LRMDA: variants seen among roughly 807,000 people sequenced by gnomAD.
The protein encoded by LRMDA is leucine rich melanocyte differentiation associated.
In LRMDA, 18 loss-of-function variants were observed where a neutral mutation model predicts 29.8. That is an observed-to-expected ratio of 0.60 (90% CI 0.42 to 0.90). LRMDA has a LOEUF of 0.90. Ranked by LOEUF, LRMDA falls within the 40% of genes least tolerant of loss-of-function variation. The pLI is 0.00. For missense variants in LRMDA, 273 were observed against 273.9 expected (o/e 1.00, Z 0.02); for synonymous variants, 125 against 109.4 (o/e 1.14, Z -0.89).
intron 2 of LRMDA, among the ~76,000 whole-genome samples, chr10:75,852,166 G>A (rs1021002320): frequency 6.6e-5 from 10 of 152,170 alleles, no homozygotes; most frequent in Non-Finnish European, 4.4e-5. Flanking sequence ...TCATCATCTT[G>A]TCTCAACTTA....
chr10:76,446,626 T>C (rs907610878), intron 6 of LRMDA, among the ~76,000 whole-genome samples: 5 of 152,202 alleles, frequency 3.3e-5, no homozygotes, highest in Non-Finnish European at 5.9e-5. Context: ...ACTTCCAAAA[T>C]CTAGTAGGTT....
intron 2 of LRMDA, among the ~76,000 whole-genome samples, chr10:75,457,968 A>G (rs796768918): frequency 1.3e-5 from 2 of 152,294 alleles, no homozygotes; most frequent in African/African-American, 4.8e-5. Flanking sequence ...AAGCTGGGGT[A>G]TTTCTGGCTG....
intron 2 of LRMDA, among the ~76,000 whole-genome samples, chr10:75,618,754 TAAGG>T (rs1841142516): frequency 6.9e-6 from 1 of 145,484 alleles, no homozygotes; most frequent in African/African-American, 2.5e-5. Context: ...AAGGAAATCA[TAAGG>T]AAGAGAAAAT....
chr10:75,462,244 CTT>C (rs796634728), intron 2 of LRMDA, among the ~76,000 whole-genome samples: 2 of 152,324 alleles, frequency 1.3e-5, no homozygotes, highest in African/African-American at 4.8e-5. Context: ...ACTCATCTGT[CTT>C]TTTTAATTCA....
At chr10:75,971,077 T>C (rs899954153) in intron 2 of LRMDA, among the ~76,000 whole-genome samples, 2 of 152,110 alleles carry the variant, frequency 1.3e-5, no homozygotes, top group East Asian at 3.9e-4. Context: ...TCAATCCTGG[T>C]CCAATACTAT....
intron 2 of LRMDA, among the ~76,000 whole-genome samples, chr10:75,468,967 C>G (rs1176094529): frequency 6.6e-6 from 1 of 151,970 alleles, no homozygotes; most frequent in Non-Finnish European, 1.5e-5. Flanking sequence ...AGAGAAAGGC[C>G]CTGCATTTGG....
At position 76,040,812 on chromosome 10, in the gene LRMDA, A is replaced by C. The variant is rs114522424; in HGVS notation, c.258+4678A>C. 6.4e-3 allele frequency among the ~76,000 whole-genome samples: 972 copies of C among 152,312 alleles called. 16 individuals are homozygous for C. The highest frequency in any genetic ancestry group is 0.023 in the African/African-American group (937 of 41,574). ...GGCACATAAGCAGATTTTATTTGGA[A>C]TCACACTTCATCTTCTGTCTCCCTA... On this transcript the variant is annotated intron_variant, in intron 3 of 6. Transcript: ENST00000611255.
intron 2 of LRMDA, among the ~76,000 whole-genome samples, chr10:75,745,820 T>C (rs768277834): frequency 3.3e-5 from 5 of 149,314 alleles, no homozygotes; most frequent in Non-Finnish European, 6.0e-5. Context: ...CTTTTCTTTG[T>C]TTTTTCGTGA....
At chr10:76,278,317 G>A (rs1840161183) in intron 5 of LRMDA, among the ~76,000 whole-genome samples, 1 of 152,116 alleles carries the variant, frequency 6.6e-6, no homozygotes, top group Non-Finnish European at 1.5e-5. Flanking sequence ...TCCTCGGCAG[G>A]TTTGGTCATT....
chr10:76,009,320 C>T (rs1170805769), intron 2 of LRMDA, among the ~76,000 whole-genome samples: 1 of 152,044 alleles, frequency 6.6e-6, no homozygotes, highest in African/African-American at 2.4e-5. Context: ...AAATAGCAAC[C>T]AAACAAAAAA....
At position 76,047,254 on chromosome 10, in the gene LRMDA, A is replaced by T; in HGVS notation, c.349A>T (p.Asn117Tyr). ...TCTGCTGGGCAACGTGGCCTGTCCC[A>T]ACGAGCTGGTCAGCTTGGAAAAGGA... The part of the protein sequence containing the change: ...LSLLGNVACP[N>Y]ELVSLEKDEE... Residue 117 changes from asparagine (N) to tyrosine (Y), a missense_variant, in exon 4 of 7, where the codon AAC becomes TAC. By Grantham distance (143) the Asn-to-Tyr change is moderately radical. Coordinates refer to ENST00000611255, the MANE Select transcript of LRMDA (RefSeq NM_001305581.2). 6.2e-7 allele frequency: 1 copy of T among 1,614,060 alleles called. No individual in the cohort carries two copies. Among genetic ancestry groups the T allele is most frequent in the Non-Finnish European group, 8.5e-7 (1 of 1,179,954 alleles).
intron 6 of LRMDA, among the ~76,000 whole-genome samples, chr10:76,359,017 T>C (rs1397826926): frequency 2.0e-5 from 3 of 152,160 alleles, no homozygotes; most frequent in Non-Finnish European, 4.4e-5. Context: ...TCCTCTAGTC[T>C]TCATTGTGAG....
rs1047751683 is a variant in LRMDA at position 76,144,708 on chromosome 10, G to T, written c.516+85925G>T. On this transcript the variant is annotated intron_variant, in intron 5 of 6. Transcript: ENST00000611255. Reference sequence around the variant, plus strand: ...TTTCCTTCTCCTGCCTGATTGCCCTGGCCAGAACTTCCAACACTATGTTGA... The same window carrying T: ...TTTCCTTCTCCTGCCTGATTGCCCTTGCCAGAACTTCCAACACTATGTTGA... Among the ~76,000 whole-genome samples the T allele has an allele frequency of 4.1e-4, 62 of 152,126 alleles. 4 individuals carry two copies. The highest frequency in any genetic ancestry group is 1.3e-3 in the African/African-American group (56 of 41,496).
intron 6 of LRMDA, among the ~76,000 whole-genome samples, chr10:76,382,978 A>G (rs1395540564): frequency 6.6e-6 from 1 of 152,240 alleles, no homozygotes; most frequent in Non-Finnish European, 1.5e-5. Context: ...CAGCACAGAG[A>G]AAGGACAATT....
chr10:75,605,452 A>G (rs1375985781), intron 2 of LRMDA, among the ~76,000 whole-genome samples: 4 of 152,214 alleles, frequency 2.6e-5, no homozygotes, highest in Non-Finnish European at 5.9e-5. Flanking sequence ...AAGTTTGTAC[A>G]TTGTGGGATA....
At chr10:76,216,343 G>A (rs1851727809) in intron 5 of LRMDA, among the ~76,000 whole-genome samples, 1 of 152,172 alleles carries the variant, frequency 6.6e-6, no homozygotes. Context: ...GCAACAGAGT[G>A]AGACCTTGTC....
chr10:76,251,822 T>A (rs556527677), intron 5 of LRMDA, among the ~76,000 whole-genome samples: 1 of 152,290 alleles, frequency 6.6e-6, no homozygotes, highest in Non-Finnish European at 1.5e-5. Context: ...AGAAACCCTG[T>A]TTGAAAAGTT....
intron 5 of LRMDA, among the ~76,000 whole-genome samples, chr10:76,245,423 A>C (rs772092914): frequency 2.6e-5 from 4 of 152,018 alleles, no homozygotes; most frequent in African/African-American, 9.7e-5. Flanking sequence ...CCCTCTTCCC[A>C]TTGTCTGTTA....
chr10:75,793,867 G>A (rs182840735), intron 2 of LRMDA, among the ~76,000 whole-genome samples: 7 of 152,324 alleles, frequency 4.6e-5, no homozygotes, highest in Admixed American at 2.0e-4. Context: ...CCAGGGGTCA[G>A]CACACTTTTT....
Sources: allele counts gnomAD v4.1 joint callset (sites outside exome capture counted in the v4.1 genomes callset), GRCh38; gene constraint gnomAD v4.1.1; transcripts MANE v1.5; gene names NCBI Gene and HGNC (gene_info 2026-07-23, HGNC 2026-07-21).